The following DNMT3A variants were observed in gnomAD, a reference collection of about 807,000 sequenced individuals.
DNMT3A encodes DNA (cytosine-5)-methyltransferase 3A.
In DNMT3A, 267 loss-of-function variants were observed where a neutral mutation model predicts 117.6. The ratio of observed to expected loss-of-function variants is 2.27; its 90% CI spans 2.05 to 2.51. The LOEUF (loss-of-function observed/expected upper bound fraction) is 2.51, where lower values mean the gene tolerates loss of function less well. Among genes scored for constraint, DNMT3A ranks in the 30% most tolerant of loss-of-function variants. The probability of loss-of-function intolerance (pLI) is 0.00; values close to 1 mark genes in which losing one functional copy is unlikely to be tolerated. For missense variants in DNMT3A, 1,029 were observed against 1,260.2 expected, an observed-to-expected ratio of 0.82 and a Z score of 2.78; for synonymous variants, 432 against 474.8, an observed-to-expected ratio of 0.91 and a Z score of 1.17.
intron 1 of DNMT3A, chr2:25,328,854 AG>A (rs2034897256): frequency 1.0e-5 from 4 of 395,370 alleles, no homozygotes; most frequent in Non-Finnish European, 2.2e-5. Context: ...CCCAAGGTGA[AG>A]GGGTTGGTGA....
At chr2:25,310,831 GCTGGGTCCCATCCCCCGAGTT>G (rs1404179693) in intron 2 of DNMT3A, among the ~76,000 whole-genome samples, 3 of 152,176 alleles carry the variant, frequency 2.0e-5, no homozygotes, top group Non-Finnish European at 4.4e-5. Flanking sequence ...AAGGTGCCCG[GCTGGGTCCCATCCCCCGAGTT>G]CTGGCTCAGC....
At chr2:25,307,945 G>C (rs538340806) in intron 2 of DNMT3A, among the ~76,000 whole-genome samples, 157 of 152,208 alleles carry the variant, frequency 1.0e-3, no homozygotes, top group Non-Finnish European at 2.0e-3. Context: ...TCAGGAGTTA[G>C]GTCTCATCAC....
At position 25,282,396 on chromosome 2, in the gene DNMT3A, T is replaced by C. The variant is rs1383630418; in HGVS notation, c.448+45A>G. On this transcript the variant is annotated intron_variant, in intron 4 of 22. Coordinates refer to ENST00000321117, the MANE Select transcript of DNMT3A (RefSeq NM_022552.5). This position sits in a 1 kb window ranked among gnomAD's most constrained non-coding sequence, Gnocchi z 5.2. ...AGCCAAGTCCCTGACTCTCAGGGTA[T>C]GCTGGTGGGCCCAGAAGAGGCTGCC... 3.1e-6 allele frequency: 5 copies of C among 1,593,584 alleles called. No individual in the cohort carries two copies. The highest frequency in any genetic ancestry group is 1.1e-5 in the South Asian group (1 of 88,670).
At chr2:25,336,371 G>T (rs1395424019) in intron 1 of DNMT3A, among the ~76,000 whole-genome samples, 3 of 152,136 alleles carry the variant, frequency 2.0e-5, no homozygotes, top group African/African-American at 7.2e-5. Context: ...GGGCAAGGGG[G>T]GACATGGAGA....
intron 6 of DNMT3A, among the ~76,000 whole-genome samples, chr2:25,256,108 C>T (rs933201853): frequency 2.6e-4 from 40 of 152,152 alleles, no homozygotes; most frequent in Admixed American, 2.6e-3. Context: ...TCACTGCACA[C>T]GTATTTCCAC....
chr2:25,308,407 G>C (rs2033898554), intron 2 of DNMT3A, among the ~76,000 whole-genome samples: 1 of 152,058 alleles, frequency 6.6e-6, no homozygotes, highest in African/African-American at 2.4e-5. Flanking sequence ...CCCCATCCAA[G>C]ACTGTACTGA....
intron 1 of DNMT3A, among the ~76,000 whole-genome samples, chr2:25,334,159 C>T (rs1481186373): frequency 6.6e-6 from 1 of 152,174 alleles, no homozygotes; most frequent in Admixed American, 6.5e-5. Flanking sequence ...CCCCAAGAGG[C>T]ACCCATGGGT....
intron 2 of DNMT3A, among the ~76,000 whole-genome samples, chr2:25,308,372 G>T (rs774533429): frequency 4.6e-5 from 7 of 152,118 alleles, no homozygotes; most frequent in Non-Finnish European, 7.3e-5. Flanking sequence ...CTTCAACACA[G>T]GCCCTTCTGC....
intron 6 of DNMT3A, among the ~76,000 whole-genome samples, chr2:25,270,187 G>A (rs781049025): frequency 6.6e-6 from 1 of 152,208 alleles, no homozygotes; most frequent in African/African-American, 2.4e-5. Context: ...TGTGCCTCGA[G>A]AGGTATGTGC....
At position 25,282,138 on chromosome 2, in the gene DNMT3A, C is replaced by T; in HGVS notation, c.448+303G>A. ...CAATCGTTGGCGTTATGAAAGCCCG[C>T]TGTTGCCAGATCTAGCTTTTTTTTT... On this transcript the variant is annotated intron_variant, in intron 4 of 22. Coordinates refer to ENST00000321117, the MANE Select transcript of DNMT3A (RefSeq NM_022552.5). The surrounding 1 kb of genome is among the most constrained non-coding windows in gnomAD (Gnocchi z 5.2). The T allele has an allele frequency of 1.7e-6, 2 of 1,158,728 alleles. No homozygotes were observed. The highest frequency in any genetic ancestry group is 2.2e-6 in the Non-Finnish European group (2 of 896,938). 71.8% of individuals were successfully genotyped at this position (1,158,728 alleles called of 1,614,324 possible). A position where few individuals can be genotyped will look rare whatever the true frequency, so the allele number is the denominator to read the frequency against.
Position 25,253,595 on chromosome 2 carries a change from G to T in DNMT3A, c.640-5343C>A, listed in dbSNP as rs550903696. On this transcript the variant is annotated intron_variant, in intron 6 of 22. Transcript: ENST00000321117. ...AGGGCAAGGTAATGGCAAGCCTTCA[G>T]GTGCGTCCTTGGGTATATTCTGTAG... 1.8e-4 allele frequency among the ~76,000 whole-genome samples: 27 copies of T among 152,334 alleles called. No homozygotes were observed. In the South Asian group the frequency reaches 5.2e-3, roughly 29 times the overall value.
At chr2:25,287,596 T>G (rs891814276) in intron 3 of DNMT3A, among the ~76,000 whole-genome samples, 1 of 152,144 alleles carries the variant, frequency 6.6e-6, no homozygotes, top group African/African-American at 2.4e-5. Context: ...TGGGGCGATT[T>G]TGCTAACTCC....
rs529297900 is a variant in DNMT3A, at chr2:25,296,659, G to A, written c.177+3480C>T. On this transcript the variant is annotated intron_variant, in intron 3 of 22. Coordinates refer to ENST00000321117, the MANE Select transcript of DNMT3A (RefSeq NM_022552.5). The surrounding 1 kb of genome is among the most constrained non-coding windows in gnomAD (Gnocchi z 4.2). ...GAAGTGGAAAGTGTTTGTCGTGAAG[G>A]GAGCACACTGGCCTGGGCATGCAAG... Among the ~76,000 whole-genome samples the A allele has an allele frequency of 7.1e-4, 108 of 152,366 alleles. 1 individual carries two copies. The highest frequency in any genetic ancestry group is 2.5e-3 in the African/African-American group (105 of 41,574).
intron 1 of DNMT3A, among the ~76,000 whole-genome samples, chr2:25,340,895 G>A (rs1336288098): frequency 1.5e-5 from 1 of 65,166 alleles, no homozygotes; most frequent in East Asian, 4.4e-4. Flanking sequence ...GCCCGCCCCC[G>A]CCCCGCCCCC....
At chr2:25,334,075 A>G (rs1004009479) in intron 1 of DNMT3A, among the ~76,000 whole-genome samples, 2 of 152,106 alleles carry the variant, frequency 1.3e-5, no homozygotes, top group Non-Finnish European at 2.9e-5. Flanking sequence ...GCCTTATTCC[A>G]GGGGCAGGGT....
intron 14 of DNMT3A, 69 bp from the exon 15 acceptor site, chr2:25,244,407 G>A: frequency 1.3e-6 from 2 of 1,566,492 alleles, no homozygotes; most frequent in South Asian, 2.3e-5. Flanking sequence ...TGTGCTACCT[G>A]GAATGGAAAG....
At chr2:25,275,904 C>T (rs540170365) in intron 4 of DNMT3A, among the ~76,000 whole-genome samples, 2 of 152,252 alleles carry the variant, frequency 1.3e-5, no homozygotes, top group South Asian at 4.1e-4. Context: ...GACCTCCTTC[C>T]CCAAAGGAGG....
intron 2 of DNMT3A, among the ~76,000 whole-genome samples, chr2:25,307,041 G>A (rs765831943): frequency 1.3e-5 from 2 of 152,180 alleles, no homozygotes; most frequent in Admixed American, 6.5e-5. Context: ...GTTCCTCATC[G>A]GTAAAATGGG....
intron 3 of DNMT3A, among the ~76,000 whole-genome samples, chr2:25,297,507 G>GTTTT (rs1184125497): frequency 1.1e-4 from 13 of 123,438 alleles, no homozygotes; most frequent in South Asian, 5.3e-4. Context: ...GCTCTGCATT[G>GTTTT]TTTTTTTTTT....
Sources: gnomAD v4.1 joint callset for allele counts (sites outside exome capture counted in the v4.1 genomes callset) on GRCh38, gnomAD v4.1.1 for gene constraint, Gnocchi (gnomAD v3.1) non-coding constraint, MANE v1.5 for transcripts, NCBI Gene and HGNC (gene_info 2026-07-23, HGNC 2026-07-21) for gene names.